The following RDX variants were observed in gnomAD, a reference collection of about 807,000 sequenced individuals.
RDX encodes the protein radixin.
RDX carries 32 observed loss-of-function variants against 83.7 expected under a neutral mutation model. The ratio of observed to expected loss-of-function variants is 0.38; its 90% CI spans 0.29 to 0.51. The LOEUF (loss-of-function observed/expected upper bound fraction) is 0.51, where lower values mean the gene tolerates loss of function less well. RDX is among the 20% of genes least tolerant of loss of function. RDX has a pLI of 0.87. For missense variants in RDX, 600 were observed against 689.9 expected (o/e 0.87, Z 1.46); for synonymous variants, 229 against 222.7 (o/e 1.03, Z -0.25).
intron 2 of RDX, among the ~76,000 whole-genome samples, chr11:110,274,870 C>G (rs1186036733): frequency 6.6e-6 from 1 of 152,306 alleles, no homozygotes; most frequent in South Asian, 2.1e-4. Flanking sequence ...AAGAACAATA[C>G]TGCTATGAAC....
intron 1 of RDX, among the ~76,000 whole-genome samples, chr11:110,294,671 A>C (rs1479742312): frequency 6.6e-6 from 1 of 152,160 alleles, no homozygotes; most frequent in East Asian, 1.9e-4. Flanking sequence ...ATTTCTTACC[A>C]ACAAAAGGAA....
At chr11:110,223,270 G>A (rs1265267023) in intron 14 of RDX, among the ~76,000 whole-genome samples, 2 of 152,104 alleles carry the variant, frequency 1.3e-5, no homozygotes, top group African/African-American at 2.4e-5. Flanking sequence ...GAAGAATGGC[G>A]TGAACCCGGG....
At chr11:110,179,962 TGC>T (rs1446297784) in intron 15 of RDX, 1 of 384,234 alleles carries the variant, frequency 2.6e-6, no homozygotes. Context: ...AGTGTAGTGG[TGC>T]AATCTCAGCT....
intron 15 of RDX, among the ~76,000 whole-genome samples, chr11:110,193,298 T>C (rs1046925277): frequency 6.6e-6 from 1 of 152,152 alleles, no homozygotes; most frequent in Non-Finnish European, 1.5e-5. Context: ...TTTTCACTTA[T>C]AAGTGGGAGC....
At chr11:110,202,998 C>A (rs913558293) in intron 14 of RDX, among the ~76,000 whole-genome samples, 1 of 151,992 alleles carries the variant, frequency 6.6e-6, no homozygotes, top group Non-Finnish European at 1.5e-5. Context: ...TCCAGCAACC[C>A]CACTACTGTG....
intron 14 of RDX, among the ~76,000 whole-genome samples, chr11:110,209,532 G>T (rs1451188461): frequency 2.6e-5 from 4 of 152,218 alleles, no homozygotes; most frequent in African/African-American, 9.6e-5. Flanking sequence ...CACCCTGGGG[G>T]CAGGGCACAG....
At chr11:110,216,210 C>A (rs759789807) in intron 14 of RDX, among the ~76,000 whole-genome samples, 5 of 152,104 alleles carry the variant, frequency 3.3e-5, no homozygotes, top group Admixed American at 2.0e-4. Flanking sequence ...TCTGGACATA[C>A]CGCCTTTCTG....
rs140588360 is a variant in RDX at position 110,182,601 on chromosome 11, A to AAAC, written c.*32-7370_*32-7368dup. 6.7e-4 allele frequency among the ~76,000 whole-genome samples: 102 copies of AAAC among 152,132 alleles called. 2 individuals are homozygous for AAAC. In the East Asian group the frequency reaches 0.013, roughly 19 times the overall value. ...GGGTGACAGAGCCAGCCCCTGTCTC[A>AAAC]AACAACAACAACAACAACTTATTGA... On this transcript the variant is annotated intron_variant, in intron 15 of 15. Coordinates refer to the RDX transcript ENST00000528498.
At chr11:110,286,053 T>C (rs1172119580) in intron 1 of RDX, among the ~76,000 whole-genome samples, 3 of 136,990 alleles carry the variant, frequency 2.2e-5, no homozygotes, top group African/African-American at 7.6e-5. Context: ...TCCCCACTCT[T>C]AATTCTCTTA....
intron 15 of RDX, among the ~76,000 whole-genome samples, chr11:110,189,319 T>C (rs1163904515): frequency 1.5e-5 from 2 of 137,142 alleles, no homozygotes; most frequent in Non-Finnish European, 1.6e-5. Flanking sequence ...AGAGACTTAA[T>C]TATCCTGAAC....
intron 1 of RDX, among the ~76,000 whole-genome samples, chr11:110,284,181 A>G (rs1860882112): frequency 6.6e-6 from 1 of 152,240 alleles, no homozygotes; most frequent in African/African-American, 2.4e-5. Flanking sequence ...TCCAGAAAGT[A>G]GAGAGAGAAT....
In RDX at chr11:110,229,955, G is replaced by C. The variant is rs770185484; in HGVS notation, c.*1914C>G. ...CCATTCCTTTGATGTACTGCAAGTA[G>C]GAATATTCTCTTCCATAGGATTCTG... On this transcript the variant is annotated 3_prime_UTR_variant, in exon 14 of 14. Coordinates refer to ENST00000645495, the MANE Select transcript of RDX (RefSeq NM_002906.4). The C allele has an allele frequency of 3.3e-5, 5 of 152,462 alleles. No homozygotes were observed. The highest frequency in any genetic ancestry group is 7.4e-5 in the Non-Finnish European group (5 of 67,968). The allele number at this position is 152,462 out of a possible 1,614,324, so 9.4% of individuals were successfully genotyped here. A position where few individuals can be genotyped will look rare whatever the true frequency, so the allele number is the denominator to read the frequency against.
At chr11:110,240,528 G>C (rs1166751450) in intron 10 of RDX, among the ~76,000 whole-genome samples, 1 of 151,050 alleles carries the variant, frequency 6.6e-6, no homozygotes, top group South Asian at 2.1e-4. Flanking sequence ...CGGATCACGA[G>C]GTCAGGAGAT....
intron 5 of RDX, among the ~76,000 whole-genome samples, chr11:110,262,024 T>A (rs766669159): frequency 5.3e-5 from 8 of 150,500 alleles, no homozygotes; most frequent in East Asian, 1.9e-4. Context: ...CTTTAACATT[T>A]AAAAAAAAAA....
At chr11:110,202,337 G>A (rs980467031) in intron 14 of RDX, among the ~76,000 whole-genome samples, 1 of 151,998 alleles carries the variant, frequency 6.6e-6, no homozygotes, top group Non-Finnish European at 1.5e-5. Flanking sequence ...AGGCTGCAGT[G>A]AGCCAAGATC....
chr11:110,250,054 T>A (rs748661202), intron 9 of RDX, among the ~76,000 whole-genome samples: 1 of 152,144 alleles, frequency 6.6e-6, no homozygotes, highest in Non-Finnish European at 1.5e-5. Flanking sequence ...TTTCTCTTTA[T>A]CCTATTTCAA....
chr11:110,204,674 G>A (rs912995060), intron 14 of RDX, among the ~76,000 whole-genome samples: 2 of 151,892 alleles, frequency 1.3e-5, no homozygotes, highest in Non-Finnish European at 2.9e-5. Flanking sequence ...ACGCCACCAT[G>A]CCCGGTTAAT....
intron 14 of RDX, among the ~76,000 whole-genome samples, chr11:110,221,661 T>A (rs1054791092): frequency 6.7e-5 from 10 of 150,078 alleles, no homozygotes; most frequent in African/African-American, 2.5e-4. Flanking sequence ...TCAAAGTTTA[T>A]AGGCACAAGA....
At position 110,285,844 on chromosome 11, in the gene RDX, T is replaced by TA. The variant is rs1860959794; in HGVS notation, c.-64-6089dup. 2.6e-5 allele frequency among the ~76,000 whole-genome samples: 4 copies of TA among 151,816 alleles called. No individual in the cohort carries two copies. In the South Asian group the frequency reaches 8.3e-4, roughly 32 times the overall value. On this transcript the variant is annotated intron_variant, in intron 1 of 13. Coordinates refer to ENST00000645495, the MANE Select transcript of RDX (RefSeq NM_002906.4). ...ATGTCACATGGAAAACAAAGAAACCTAGATGCATATCCTGGGGTTCCATCT... is the reference window on the plus strand; with the variant it reads ...ATGTCACATGGAAAACAAAGAAACCTAAGATGCATATCCTGGGGTTCCATCT...
Sources: allele counts gnomAD v4.1 joint callset (sites outside exome capture counted in the v4.1 genomes callset), GRCh38; gene constraint gnomAD v4.1.1; transcripts MANE v1.5; gene names NCBI Gene and HGNC (gene_info 2026-07-23, HGNC 2026-07-21).